DNAH7: variants seen among roughly 807,000 people sequenced by gnomAD.
The protein encoded by DNAH7 is axonemal beta dynein heavy chain 7.
In DNAH7, 397 loss-of-function variants were observed where a neutral mutation model predicts 444.6. The ratio of observed to expected loss-of-function variants is 0.89; its 90% confidence interval spans 0.82 to 0.97. The LOEUF (loss-of-function observed/expected upper bound fraction) is 0.97, where lower values mean the gene tolerates loss of function less well. DNAH7 is among the 50% of genes least tolerant of loss of function. DNAH7 has a pLI of 0.00. For missense variants in DNAH7, 4,902 were observed against 4,800.8 expected (o/e 1.02, Z -0.62); for synonymous variants, 1,636 against 1,624.4 (o/e 1.01, Z -0.17).
At chr2:195,899,530 A>G (rs896280494) in intron 28 of DNAH7, among the ~76,000 whole-genome samples, 3 of 152,216 alleles carry the variant, frequency 2.0e-5, no homozygotes, top group Non-Finnish European at 2.9e-5. Context: ...TGTCAGGCTA[A>G]TGTGAAATAG....
At chr2:195,989,641 A>G (rs1693164509) in intron 12 of DNAH7, among the ~76,000 whole-genome samples, 1 of 152,178 alleles carries the variant, frequency 6.6e-6, no homozygotes, top group African/African-American at 2.4e-5. Flanking sequence ...TTGAATTGTA[A>G]TCCCCAGTGT....
chr2:196,010,514 A>G (rs1209132381), intron 10 of DNAH7, among the ~76,000 whole-genome samples: 1 of 152,146 alleles, frequency 6.6e-6, no homozygotes, highest in African/African-American at 2.4e-5. Flanking sequence ...AACACTACAG[A>G]GGTTCCTCAA....
Position 195,842,625 on chromosome 2 carries a change from C to T in DNAH7, c.8945+2377G>A, listed in dbSNP as rs1453616190. On this transcript the variant is annotated intron_variant, in intron 47 of 64. Coordinates refer to ENST00000312428, the MANE Select transcript of DNAH7 (RefSeq NM_018897.3). ...TTTCTTCTTAGTATAGTTGCTACCA[C>T]AACTTTCTGCTAATATTTCAACATT... Among the ~76,000 whole-genome samples, 7 of 152,102 alleles carry T rather than the reference C, an allele frequency of 4.6e-5. No individual in the cohort carries two copies. In the South Asian group the frequency reaches 1.0e-3, roughly 23 times the overall value.
In DNAH7 at chr2:196,057,772, C is replaced by T. The variant is rs115363362; in HGVS notation, c.78+282G>A. Among the ~76,000 whole-genome samples the T allele has an allele frequency of 7.0e-3, 1,060 of 152,212 alleles. 8 individuals carry two copies. Among genetic ancestry groups the T allele is most frequent in the African/African-American group, 0.021 (874 of 41,508 alleles). ...AGAAGTTATAATAGTTTAACTCAAC[C>T]GCATTAAACTCAACATACCTAGACA... On this transcript the variant is annotated intron_variant, in intron 2 of 64. Transcript: ENST00000312428.
intron 12 of DNAH7, among the ~76,000 whole-genome samples, chr2:195,991,448 A>T (rs1468582761): frequency 6.6e-6 from 1 of 152,236 alleles, no homozygotes; most frequent in Non-Finnish European, 1.5e-5. Context: ...ACATAAACAA[A>T]AGTGAAAACA....
At chr2:195,744,573 A>C (rs1014675969) in intron 63 of DNAH7, among the ~76,000 whole-genome samples, 1 of 152,058 alleles carries the variant, frequency 6.6e-6, no homozygotes, top group African/African-American at 2.4e-5. Flanking sequence ...CTGACCCCTC[A>C]CCCCCGAGCA....
intron 24 of DNAH7, among the ~76,000 whole-genome samples, chr2:195,912,776 C>T (rs537635765): frequency 6.6e-6 from 1 of 152,286 alleles, no homozygotes; most frequent in East Asian, 1.9e-4. Context: ...TGTTTTCTCC[C>T]CTTCAACCTC....
At chr2:195,751,529 A>T (rs906474873) in intron 63 of DNAH7, among the ~76,000 whole-genome samples, 7 of 151,790 alleles carry the variant, frequency 4.6e-5, no homozygotes, top group Non-Finnish European at 8.8e-5. Context: ...GCGATAATAA[A>T]GAAAGAAATA....
intron 63 of DNAH7, among the ~76,000 whole-genome samples, chr2:195,747,979 G>T (rs1693532896): frequency 6.6e-6 from 1 of 152,146 alleles, no homozygotes; most frequent in South Asian, 2.1e-4. Flanking sequence ...TGGAAGTTCT[G>T]GCCAGGGCAA....
intron 54 of DNAH7, among the ~76,000 whole-genome samples, chr2:195,805,000 C>G (rs1696641311): frequency 6.6e-6 from 1 of 152,066 alleles, no homozygotes; most frequent in African/African-American, 2.4e-5. Context: ...AAAAAACATA[C>G]AAACCAACCT....
chr2:195,821,134 G>A (rs537415806), intron 49 of DNAH7, among the ~76,000 whole-genome samples: 3 of 150,750 alleles, frequency 2.0e-5, no homozygotes, highest in African/African-American at 4.9e-5. Context: ...AAGACAAGCA[G>A]TGTTTTACCC....
At chr2:195,923,463 A>T in intron 23 of DNAH7, 132 bp downstream of exon 23, 1 of 748,294 alleles carries the variant, frequency 1.3e-6, no homozygotes, top group Non-Finnish European at 2.2e-6. Context: ...AGAAATGCTT[A>T]CTTGGGTATA....
chr2:195,767,623 A>G (rs1000600734), intron 61 of DNAH7, among the ~76,000 whole-genome samples: 2 of 151,908 alleles, frequency 1.3e-5, no homozygotes, highest in African/African-American at 4.8e-5. Context: ...TTCTTGTTTA[A>G]TAATTAAATT....
chr2:195,797,803 A>C (rs1025051366), intron 55 of DNAH7, among the ~76,000 whole-genome samples: 1 of 152,150 alleles, frequency 6.6e-6, no homozygotes, highest in African/African-American at 2.4e-5. Context: ...CTACTCCTCC[A>C]TCTTCCCATC....
In DNAH7 at chr2:195,837,741, G is replaced by C. The variant is rs530618694; in HGVS notation, c.8946-3381C>G. Among the ~76,000 whole-genome samples the C allele has an allele frequency of 2.9e-4, 44 of 152,214 alleles. 1 individual carries two copies. The highest frequency in any genetic ancestry group is 1.7e-3 in the South Asian group (8 of 4,822). On this transcript the variant is annotated intron_variant, in intron 47 of 64. Transcript: ENST00000312428. ...CTGTATTATCATGACAGAAAAAGCA[G>C]TGGTGCAGTTACCCAAAACACTGAG...
At chr2:195,929,089 T>C (rs953170727) in intron 21 of DNAH7, among the ~76,000 whole-genome samples, 1 of 151,542 alleles carries the variant, frequency 6.6e-6, no homozygotes, top group African/African-American at 2.4e-5. Flanking sequence ...ATGTTCAAGC[T>C]GAGAGCCAAA....
intron 46 of DNAH7, among the ~76,000 whole-genome samples, chr2:195,851,088 T>C (rs1459103871): frequency 6.6e-6 from 1 of 152,120 alleles, no homozygotes; most frequent in Non-Finnish European, 1.5e-5. Flanking sequence ...GTGCTAGTCG[T>C]TGGGTGTGAA....
At chr2:195,789,539 T>C (rs959250781) in intron 57 of DNAH7, among the ~76,000 whole-genome samples, 2 of 152,192 alleles carry the variant, frequency 1.3e-5, no homozygotes, top group African/African-American at 4.8e-5. Context: ...GATATTTTCA[T>C]GGTGCTAAAG....
At chr2:196,017,079 T>A (rs1300818642) in intron 9 of DNAH7, among the ~76,000 whole-genome samples, 2 of 152,172 alleles carry the variant, frequency 1.3e-5, no homozygotes, top group Non-Finnish European at 2.9e-5. Flanking sequence ...TGATCTCAGC[T>A]ATCTCAGCTC....
Sources: gnomAD v4.1 joint callset for allele counts (sites outside exome capture counted in the v4.1 genomes callset) on GRCh38, gnomAD v4.1.1 for gene constraint, MANE v1.5 for transcripts, NCBI Gene and HGNC (gene_info 2026-07-23, HGNC 2026-07-21) for gene names.